Variants in FAM204A observed in about 807,000 individuals in gnomAD.
The protein encoded by FAM204A is family with sequence similarity 204 member A, also known as protein FAM204A.
In FAM204A, 16 loss-of-function variants were observed where a neutral mutation model predicts 35.4. That is an observed-to-expected ratio of 0.45 (90% CI 0.31 to 0.69). FAM204A has a LOEUF of 0.69. Ranked by LOEUF, FAM204A falls within the 30% of genes least tolerant of loss-of-function variation. The pLI is 0.07. For missense variants in FAM204A, 240 were observed against 265.7 expected (o/e 0.90, Z 0.67); for synonymous variants, 76 against 86.9 (o/e 0.88, Z 0.70).
chr10:118,322,758 T>G (rs1382249212), intron 7 of FAM204A, among the ~76,000 whole-genome samples: 1 of 152,250 alleles, frequency 6.6e-6, no homozygotes, highest in Non-Finnish European at 1.5e-5. Flanking sequence ...TTTTTCCAAA[T>G]TTCTCAACTT....
At chr10:118,328,682 A>G (rs950884117) in intron 6 of FAM204A, among the ~76,000 whole-genome samples, 2 of 151,906 alleles carry the variant, frequency 1.3e-5, no homozygotes, top group Non-Finnish European at 2.9e-5. Context: ...TAGTATAGAC[A>G]TGGTTTCACC....
At chr10:118,320,325 A>G in intron 7 of FAM204A, among the ~76,000 whole-genome samples, 1 of 151,346 alleles carries the variant, frequency 6.6e-6, no homozygotes, top group East Asian at 1.9e-4. Context: ...ATTTTTAGTT[A>G]AATCTGCTTC....
intron 6 of FAM204A, among the ~76,000 whole-genome samples, chr10:118,326,819 T>C (rs1211450217): frequency 2.0e-5 from 3 of 152,158 alleles, no homozygotes; most frequent in Admixed American, 1.3e-4. Context: ...TTTCAGTCAA[T>C]AGCCTCCACA....
intron 7 of FAM204A, among the ~76,000 whole-genome samples, chr10:118,317,951 T>A (rs1030011037): frequency 6.6e-6 from 1 of 151,950 alleles, no homozygotes; most frequent in Non-Finnish European, 1.5e-5. Flanking sequence ...GACACACATA[T>A]CCTTCCCAGA....
chr10:118,340,473 T>C (rs1312127029), intron 2 of FAM204A, among the ~76,000 whole-genome samples: 1 of 152,156 alleles, frequency 6.6e-6, no homozygotes, highest in Admixed American at 6.5e-5. Flanking sequence ...CTCTTTATGA[T>C]TTTGATATTA....
intron 7 of FAM204A, among the ~76,000 whole-genome samples, chr10:118,320,948 T>C (rs1846106263): frequency 6.7e-6 from 1 of 150,054 alleles, no homozygotes. Flanking sequence ...TTCTCAGACA[T>C]GGTTCTACTT....
chr10:118,336,187 A>G lies in FAM204A; in HGVS notation c.229T>C (p.Trp77Arg). The G allele has an allele frequency of 6.2e-7, 1 of 1,613,116 alleles. No homozygotes were observed. The highest frequency in any genetic ancestry group is 8.5e-7 in the Non-Finnish European group (1 of 1,179,476). The change falls in exon 3 of 9, where the codon TGG (tryptophan) becomes CGG (arginine). Residue 77 changes from tryptophan (W) to arginine (R), a missense_variant. Trp to Arg is a moderately radical substitution (Grantham distance 101). Around this residue, in one of 2 missense-constraint regions of FAM204A, gnomAD observed 232 missense variants for 242.8 expected, o/e 0.96. Transcript: ENST00000369183. ...ECPSGIPIDM[W>R]NKFQELHKKH... is the part of the protein sequence containing the mutation. ...GCATTTCAGAGAAAACCTACATTCC[A>G]CATATCTATGGGAATTCCAGAAGGA...
Position 118,309,652 on chromosome 10 carries a change from C to T in FAM204A, c.*1205G>A, listed in dbSNP as rs909651059. The T allele has an allele frequency of 3.9e-5, 6 of 152,158 alleles. No individual in the cohort carries two copies. The highest frequency in any genetic ancestry group is 7.2e-5 in the African/African-American group (3 of 41,434). 9.4% of individuals were successfully genotyped at this position (152,158 alleles called of 1,614,324 possible). ...CCAGGAAATGTACATCTAATGAAAACGATTTCCCATGTTACCAATCCTCTC... is the reference window on the plus strand; with the variant it reads ...CCAGGAAATGTACATCTAATGAAAATGATTTCCCATGTTACCAATCCTCTC... On this transcript the variant is annotated 3_prime_UTR_variant, in exon 9 of 9. Coordinates refer to ENST00000369183, the MANE Select transcript of FAM204A (RefSeq NM_022063.3).
In FAM204A at chr10:118,301,702, T is replaced by TA. The variant is rs1230605085; in HGVS notation, c.*9154dup. 6.6e-6 allele frequency: 1 copy of TA among 152,224 alleles called. No individual in the cohort carries two copies. The highest frequency in any genetic ancestry group is 1.5e-5 in the Non-Finnish European group (1 of 68,040). 9.4% of individuals were successfully genotyped at this position (152,224 alleles called of 1,614,324 possible). A position where few individuals can be genotyped will look rare whatever the true frequency, so the allele number is the denominator to read the frequency against. ...ATATTGTTTGCTATATGTGAGAATC[T>TA]ATTCTCAGCACTTTCATATTCATTA... On this transcript the variant is annotated 3_prime_UTR_variant, in exon 9 of 9. Transcript: ENST00000369183.
At position 118,301,684 on chromosome 10, in the gene FAM204A, T is replaced by C. The variant is rs766381128; in HGVS notation, c.*9173A>G. 1 of 152,212 alleles carries C rather than the reference T, an allele frequency of 6.6e-6. No homozygotes were observed. Among genetic ancestry groups the C allele is most frequent in the Non-Finnish European group, 1.5e-5 (1 of 68,026 alleles). 9.4% of individuals were successfully genotyped at this position (152,212 alleles called of 1,614,324 possible). A position where few individuals can be genotyped will look rare whatever the true frequency, so the allele number is the denominator to read the frequency against. ...AATTGTCTCCCAACAAGTATATTGT[T>C]TGCTATATGTGAGAATCTATTCTCA... is the stretch of plus-strand genomic sequence containing the variant. On this transcript the variant is annotated 3_prime_UTR_variant, in exon 9 of 9. Transcript: ENST00000369183.
chr10:118,311,279 T>C lies in FAM204A; in HGVS notation c.578A>G (p.His193Arg). ...CTCCTTTTTGGCTTTTACAAAGTTG[T>C]GGCAGGCAACTGCTTTGGCAATTTT... ...GVKIAKAVAC[H>R]NFVKAKKEVE... The change falls in exon 8 of 9, where the codon CAC becomes CGC. Residue 193 changes from histidine (H) to arginine (R), a missense_variant. This residue lies in a region of FAM204A where 232 missense variants were observed against 242.8 expected (regional missense o/e 0.96). Coordinates refer to ENST00000369183, the MANE Select transcript of FAM204A (RefSeq NM_022063.3). 6.2e-7 allele frequency: 1 copy of C among 1,609,544 alleles called. No homozygotes were observed. Among genetic ancestry groups the C allele is most frequent in the South Asian group, 1.1e-5 (1 of 89,658 alleles).
chr10:118,317,186 A>G (rs993758917), intron 7 of FAM204A, among the ~76,000 whole-genome samples: 4 of 152,156 alleles, frequency 2.6e-5, no homozygotes, highest in African/African-American at 9.6e-5. Flanking sequence ...GGCTGCTAAT[A>G]AAATGGCAAT....
chr10:118,313,940 G>C (rs1204472571), intron 7 of FAM204A, among the ~76,000 whole-genome samples: 1 of 152,158 alleles, frequency 6.6e-6, no homozygotes, highest in Non-Finnish European at 1.5e-5. Flanking sequence ...CCCTATGTCT[G>C]GGCATGCAGT....
rs977122291 is a variant in FAM204A, at chr10:118,302,097, G to C, written c.*8760C>G. The C allele has an allele frequency of 7.2e-5, 11 of 152,250 alleles. No individual in the cohort carries two copies. Among genetic ancestry groups the C allele is most frequent in the African/African-American group, 2.7e-4 (11 of 41,456 alleles). The allele number at this position is 152,250 out of a possible 1,614,324, so 9.4% of individuals were successfully genotyped here. A position where few individuals can be genotyped will look rare whatever the true frequency, so the allele number is the denominator to read the frequency against. Reference sequence around the variant, plus strand: ...CTCTATATTTCCTAGGTGATGTTGTGTGACACTGCAGAGTCTGCTTATTAT... The same window carrying C: ...CTCTATATTTCCTAGGTGATGTTGTCTGACACTGCAGAGTCTGCTTATTAT... On this transcript the variant is annotated 3_prime_UTR_variant, in exon 9 of 9. Transcript: ENST00000369183.
rs930008855 is a variant in FAM204A at position 118,306,507 on chromosome 10, C to A, written c.*4350G>T. 2 of 152,322 alleles carry A rather than the reference C, an allele frequency of 1.3e-5. No individual in the cohort carries two copies. The highest frequency in any genetic ancestry group is 1.9e-4 in the East Asian group (1 of 5,184). 9.4% of individuals were successfully genotyped at this position (152,322 alleles called of 1,614,324 possible). A position where few individuals can be genotyped will look rare whatever the true frequency, so the allele number is the denominator to read the frequency against. Reference sequence around the variant, plus strand: ...ATAAAAAGATATTCCTCAGCTAATTCTTGATTTACATGCACATCTAAAAAC... The same window carrying A: ...ATAAAAAGATATTCCTCAGCTAATTATTGATTTACATGCACATCTAAAAAC... On this transcript the variant is annotated 3_prime_UTR_variant, in exon 9 of 9. Coordinates refer to ENST00000369183, the MANE Select transcript of FAM204A (RefSeq NM_022063.3).
intron 7 of FAM204A, among the ~76,000 whole-genome samples, chr10:118,321,454 G>GT: frequency 6.6e-6 from 1 of 152,064 alleles, no homozygotes; most frequent in African/African-American, 2.4e-5. Flanking sequence ...ACAGGGCAAA[G>GT]AACAGGGCCT....
chr10:118,319,453 T>C (rs1002379778), intron 7 of FAM204A, among the ~76,000 whole-genome samples: 1 of 152,120 alleles, frequency 6.6e-6, no homozygotes, highest in African/African-American at 2.4e-5. Flanking sequence ...ACTTCATTTA[T>C]AATAAAATTA....
intron 6 of FAM204A, among the ~76,000 whole-genome samples, chr10:118,333,090 T>C (rs897269511): frequency 3.3e-5 from 5 of 152,324 alleles, no homozygotes; most frequent in Admixed American, 3.3e-4. Context: ...GCCTCTGCAT[T>C]GTCTGAGAGG....
At chr10:118,341,039 T>G (rs1466132821) in intron 2 of FAM204A, among the ~76,000 whole-genome samples, 1 of 152,192 alleles carries the variant, frequency 6.6e-6, no homozygotes, top group African/African-American at 2.4e-5. Flanking sequence ...TTCTGTACTT[T>G]TTGAGTACAG....
Sources: gnomAD v4.1 joint callset for allele counts (sites outside exome capture counted in the v4.1 genomes callset) on GRCh38, gnomAD v4.1.1 for gene constraint, gnomAD v4.1.1 regional missense constraint, MANE v1.5 for transcripts, NCBI Gene and HGNC (gene_info 2026-07-23, HGNC 2026-07-21) for gene names.